The following SPAG16 variants were observed in gnomAD, a reference collection of about 807,000 sequenced individuals.
SPAG16 encodes the protein sperm associated antigen 16.
SPAG16 carries 86 observed loss-of-function variants against 80.4 expected under a neutral mutation model. That is an observed-to-expected ratio of 1.07 (90% confidence interval 0.90 to 1.28). The LOEUF is 1.28. Among genes scored for constraint, SPAG16 ranks in the 50% most tolerant of loss-of-function variants. SPAG16 has a pLI of 0.00. For synonymous variants in SPAG16, 294 were observed against 265.9 expected (o/e 1.11, Z -1.03); for missense variants, 870 against 765.3 (o/e 1.14, Z -1.61).
chr2:213,523,016 G>T (rs1467010940), intron 10 of SPAG16, among the ~76,000 whole-genome samples: 4 of 152,074 alleles, frequency 2.6e-5, no homozygotes, highest in African/African-American at 7.2e-5. Context: ...AAAACACTTT[G>T]TCTAAAATAC....
intron 10 of SPAG16, among the ~76,000 whole-genome samples, chr2:213,780,905 A>G (rs1341553341): frequency 3.9e-5 from 6 of 152,164 alleles, no homozygotes; most frequent in African/African-American, 1.4e-4. Context: ...AATTTCTAAT[A>G]GTATACATTA....
intron 10 of SPAG16, among the ~76,000 whole-genome samples, chr2:213,707,161 G>C (rs1373418286): frequency 2.0e-5 from 3 of 152,158 alleles, no homozygotes; most frequent in African/African-American, 7.2e-5. Context: ...CATCTTGAAG[G>C]CTTAATATCA....
intron 11 of SPAG16, among the ~76,000 whole-genome samples, chr2:213,896,687 A>G (rs1171715798): frequency 1.3e-5 from 2 of 151,892 alleles, no homozygotes; most frequent in Admixed American, 6.6e-5. Context: ...ATATACATAT[A>G]TATGATAGAA....
Position 214,068,190 on chromosome 2 carries a change from A to G in SPAG16, c.1528-40006A>G, listed in dbSNP as rs150296252. Among the ~76,000 whole-genome samples, 451 of 152,258 alleles carry G rather than the reference A, an allele frequency of 3.0e-3. 1 individual carries two copies. Among genetic ancestry groups the G allele is most frequent in the African/African-American group, 0.01 (434 of 41,558 alleles). ...AACAATGATGCAAATTCATAACAAG[A>G]GATCATACAAATATTGGGATGATAA... On this transcript the variant is annotated intron_variant, in intron 13 of 15. Coordinates refer to ENST00000331683, the MANE Select transcript of SPAG16 (RefSeq NM_024532.5).
At chr2:213,295,187 A>G (rs1008659069) in intron 1 of SPAG16, among the ~76,000 whole-genome samples, 4 of 152,310 alleles carry the variant, frequency 2.6e-5, no homozygotes, top group African/African-American at 9.6e-5. Context: ...TAATTCACAC[A>G]TTTTAAACTT....
intron 13 of SPAG16, among the ~76,000 whole-genome samples, chr2:214,058,047 T>C (rs2050039375): frequency 6.6e-6 from 1 of 152,128 alleles, no homozygotes; most frequent in South Asian, 2.1e-4. Flanking sequence ...CCACCAAAAC[T>C]GTCTCCATAA....
At chr2:213,523,087 A>G (rs563391804) in intron 10 of SPAG16, among the ~76,000 whole-genome samples, 1 of 152,196 alleles carries the variant, frequency 6.6e-6, no homozygotes, top group African/African-American at 2.4e-5. Flanking sequence ...TCTCATCTTG[A>G]ATTGTAGTTC....
At chr2:213,957,311 A>C (rs1450660065) in intron 12 of SPAG16, among the ~76,000 whole-genome samples, 1 of 152,124 alleles carries the variant, frequency 6.6e-6, no homozygotes, top group Admixed American at 6.6e-5. Flanking sequence ...TCATTGTGTA[A>C]ATGTTTACAA....
rs2064285479 is a variant in SPAG16 at position 213,679,765 on chromosome 2, C to G, written c.1071-182720C>G. On this transcript the variant is annotated intron_variant, in intron 10 of 15. Transcript: ENST00000331683. ...GGGAATTATTTTAGAAAAATAAAGA[C>G]TTTAAGTTTGATGTTTTGGTTTATT... Among the ~76,000 whole-genome samples, 4 of 151,988 alleles carry G rather than the reference C, an allele frequency of 2.6e-5. No individual in the cohort carries two copies. In the South Asian group the frequency reaches 8.3e-4, roughly 32 times the overall value.
intron 11 of SPAG16, among the ~76,000 whole-genome samples, chr2:213,895,145 A>T (rs955675146): frequency 1.3e-5 from 2 of 152,114 alleles, no homozygotes; most frequent in African/African-American, 2.4e-5. Context: ...CTAAAAAAGA[A>T]ATCAAGAATT....
intron 12 of SPAG16, among the ~76,000 whole-genome samples, chr2:213,987,655 A>G (rs2046078615): frequency 6.6e-6 from 1 of 151,834 alleles, no homozygotes; most frequent in African/African-American, 2.4e-5. Context: ...TAATTTCTCA[A>G]TTAAGTATAT....
intron 15 of SPAG16, among the ~76,000 whole-genome samples, chr2:214,309,681 C>A (rs970602547): frequency 6.6e-6 from 1 of 152,216 alleles, no homozygotes; most frequent in Non-Finnish European, 1.5e-5. Context: ...CAGCTCTCAA[C>A]CTTTGGACTG....
chr2:213,954,885 T>C (rs72950755), intron 12 of SPAG16, among the ~76,000 whole-genome samples: 22,409 of 152,156 alleles, frequency 0.15, 2,044 homozygotes, highest in Non-Finnish European at 0.21. Flanking sequence ...TAAAACATTG[T>C]GATTTTAATT....
At chr2:213,799,696 A>T (rs555700096) in intron 10 of SPAG16, among the ~76,000 whole-genome samples, 4 of 152,278 alleles carry the variant, frequency 2.6e-5, no homozygotes, top group African/African-American at 4.8e-5. Flanking sequence ...AAAATATAAC[A>T]TAAATGATTA....
chr2:214,390,280 T>C (rs1056855472), intron 15 of SPAG16, among the ~76,000 whole-genome samples: 2 of 151,310 alleles, frequency 1.3e-5, no homozygotes, highest in Non-Finnish European at 2.9e-5. Flanking sequence ...TGGTAGAGCA[T>C]TTGGGAGGGT....
At chr2:213,897,041 G>A (rs913218537) in intron 11 of SPAG16, among the ~76,000 whole-genome samples, 1 of 152,028 alleles carries the variant, frequency 6.6e-6, no homozygotes, top group African/African-American at 2.4e-5. Context: ...ACAATCTATT[G>A]TATATTTCAA....
At chr2:214,258,492 C>T (rs201857859) in intron 15 of SPAG16, among the ~76,000 whole-genome samples, 41 of 71,748 alleles carry the variant, frequency 5.7e-4, no homozygotes, top group South Asian at 2.2e-3. Flanking sequence ...TATATATATA[C>T]ACACACACAT....
At chr2:214,336,333 T>A (rs2126021339) in intron 15 of SPAG16, among the ~76,000 whole-genome samples, 1 of 152,300 alleles carries the variant, frequency 6.6e-6, no homozygotes, top group East Asian at 1.9e-4. Context: ...ATAATCCAGT[T>A]AAATTTTAAA....
intron 10 of SPAG16, among the ~76,000 whole-genome samples, chr2:213,538,155 T>C (rs985147871): frequency 6.6e-6 from 1 of 152,214 alleles, no homozygotes; most frequent in African/African-American, 2.4e-5. Flanking sequence ...GAGATCGATA[T>C]TGAAAATGAC....
Sources: allele counts gnomAD v4.1 joint callset (sites outside exome capture counted in the v4.1 genomes callset), GRCh38; gene constraint gnomAD v4.1.1; transcripts MANE v1.5; gene names NCBI Gene and HGNC (gene_info 2026-07-23, HGNC 2026-07-21).